The following ITGB3BP variants were observed in gnomAD, a reference collection of about 807,000 sequenced individuals.
The protein encoded by ITGB3BP is centromere protein R.
In ITGB3BP, 27 loss-of-function variants were observed where a neutral mutation model predicts 29.1. The observed-to-expected ratio is 0.93, with a 90% CI of 0.68 to 1.28. The LOEUF (loss-of-function observed/expected upper bound fraction) is 1.28. Ranked by LOEUF, ITGB3BP falls within the 50% of genes most tolerant of loss-of-function variation. The probability of loss-of-function intolerance (pLI) is 0.00; values close to 1 mark genes in which losing one functional copy is unlikely to be tolerated. For missense variants in ITGB3BP, 192 were observed against 200.2 expected, an observed-to-expected ratio of 0.96 and a Z score of 0.25; for synonymous variants, 61 against 61.4, an observed-to-expected ratio of 0.99 and a Z score of 0.03.
chr1:63,524,306 CTTAA>C (rs1383691139), upstream of ITGB3BP, among the ~76,000 whole-genome samples: 7 of 152,226 alleles, frequency 4.6e-5, no homozygotes, highest in African/African-American at 1.4e-4. Flanking sequence ...AACTCTGATG[CTTAA>C]TTATAGTATT....
intron 7 of ITGB3BP, among the ~76,000 whole-genome samples, chr1:63,451,212 CA>C (rs202112857): frequency 0.021 from 3,251 of 151,602 alleles, 123 homozygotes; most frequent in African/African-American, 0.074. Flanking sequence ...AACAAACAAA[CA>C]AAAAAACCCA....
At chr1:63,492,875 A>T (rs889492884) in intron 2 of ITGB3BP, among the ~76,000 whole-genome samples, 4 of 152,178 alleles carry the variant, frequency 2.6e-5, no homozygotes, top group Admixed American at 2.0e-4. Context: ...TTGGGAAGCC[A>T]AGGTGGGAGG....
At chr1:63,499,558 A>G (rs1339776271) in intron 2 of ITGB3BP, among the ~76,000 whole-genome samples, 1 of 152,184 alleles carries the variant, frequency 6.6e-6, no homozygotes, top group Non-Finnish European at 1.5e-5. Context: ...ATACCAGAAC[A>G]TTACAGACCC....
At chr1:63,509,996 C>T in intron 1 of ITGB3BP, 1 of 438,342 alleles carries the variant, frequency 2.3e-6, no homozygotes, top group Admixed American at 3.8e-5. Context: ...AGTTCGAGAC[C>T]AGCCTAACAT....
rs564128416 is a variant in ITGB3BP at position 63,490,079 on chromosome 1, T to C, written c.184+4A>G. 22 of 1,607,478 alleles carry C rather than the reference T, an allele frequency of 1.4e-5. No homozygotes were observed. In the East Asian group the frequency reaches 4.0e-4, roughly 29 times the overall value. On this transcript the variant is annotated splice_donor_region_variant and intron_variant, in intron 3 of 8. Transcript: ENST00000271002. ...CAATAAGTAGAAAAGAATGTTCAAC[T>C]AACCATTTGATAGTCCATTTCTGTG...
intron 1 of ITGB3BP, among the ~76,000 whole-genome samples, chr1:63,516,348 G>C (rs1430400090): frequency 2.1e-5 from 1 of 48,630 alleles, no homozygotes; most frequent in Non-Finnish European, 5.0e-5. Flanking sequence ...GAAGCGGAGC[G>C]GGGGAAGGTG....
At chr1:63,494,756 T>C (rs928297749) in intron 2 of ITGB3BP, among the ~76,000 whole-genome samples, 10 of 152,212 alleles carry the variant, frequency 6.6e-5, no homozygotes, top group Admixed American at 6.5e-4. Flanking sequence ...GATATTAAGA[T>C]ATTAATTTTA....
chr1:63,458,611 C>T (rs1467641229), intron 4 of ITGB3BP, among the ~76,000 whole-genome samples: 1 of 152,042 alleles, frequency 6.6e-6, no homozygotes, highest in African/African-American at 2.4e-5. Flanking sequence ...AAGAGTGAAA[C>T]CCTGTAAAAG....
intron 2 of ITGB3BP, among the ~76,000 whole-genome samples, chr1:63,502,939 G>T (rs1645975614): frequency 6.6e-6 from 1 of 152,150 alleles, no homozygotes; most frequent in Admixed American, 6.5e-5. Flanking sequence ...TTGGTTCCAA[G>T]TCTTTGCTAT....
At chr1:63,479,708 G>A (rs1333905830) in intron 3 of ITGB3BP, among the ~76,000 whole-genome samples, 1 of 152,056 alleles carries the variant, frequency 6.6e-6, no homozygotes, top group African/African-American at 2.4e-5. Context: ...GTGTCTTTCT[G>A]TGCCTGGCTT....
chr1:63,504,819 AT>A (rs1257853013), intron 2 of ITGB3BP, among the ~76,000 whole-genome samples: 1 of 152,088 alleles, frequency 6.6e-6, no homozygotes, highest in Non-Finnish European at 1.5e-5. Flanking sequence ...ACATTTATTG[AT>A]TTGCATATGT....
chr1:63,465,051 A>C (rs1367926567), intron 4 of ITGB3BP, among the ~76,000 whole-genome samples: 1 of 152,190 alleles, frequency 6.6e-6, no homozygotes, highest in Non-Finnish European at 1.5e-5. Flanking sequence ...TGGACTATAC[A>C]CTAGATAACA....
chr1:63,445,150 G>A (rs1644775242), intron 8 of ITGB3BP, among the ~76,000 whole-genome samples: 1 of 152,034 alleles, frequency 6.6e-6, no homozygotes, highest in Non-Finnish European at 1.5e-5. Context: ...GCCGGGCATG[G>A]TGGTGCTCAA....
chr1:63,505,112 T>G (rs1247491500), intron 2 of ITGB3BP, among the ~76,000 whole-genome samples: 8 of 152,152 alleles, frequency 5.3e-5, no homozygotes, highest in Admixed American at 3.9e-4. Flanking sequence ...GTACCTCTGG[T>G]AGAATTCGGC....
At chr1:63,483,197 TTAAG>T (rs1645470360) in intron 3 of ITGB3BP, among the ~76,000 whole-genome samples, 2 of 152,186 alleles carry the variant, frequency 1.3e-5, no homozygotes, top group African/African-American at 4.8e-5. Flanking sequence ...GATAACTGAT[TTAAG>T]TGTTATTCTT....
At chr1:63,480,015 G>C (rs1645410675) in intron 3 of ITGB3BP, among the ~76,000 whole-genome samples, 1 of 152,024 alleles carries the variant, frequency 6.6e-6, no homozygotes, top group African/African-American at 2.4e-5. Flanking sequence ...TTGAGGACCT[G>C]AATCTTTAAA....
At chr1:63,521,139 T>C (rs1413730451) in intron 1 of ITGB3BP, among the ~76,000 whole-genome samples, 1 of 152,092 alleles carries the variant, frequency 6.6e-6, no homozygotes, top group Non-Finnish European at 1.5e-5. Context: ...CATTTAGTCT[T>C]CCAAATACAT....
chr1:63,517,381 TA>T (rs1317973199), intron 1 of ITGB3BP, among the ~76,000 whole-genome samples: 1 of 150,636 alleles, frequency 6.6e-6, no homozygotes, highest in East Asian at 1.9e-4. Context: ...AGTATAATAA[TA>T]AAAAAATAAA....
At position 63,453,963 on chromosome 1, in the gene ITGB3BP, T is replaced by C. The variant is rs1232271045; in HGVS notation, c.439A>G (p.Asn147Asp). 1.3e-6 allele frequency: 2 copies of C among 1,569,112 alleles called. No homozygotes were observed. The highest frequency in any genetic ancestry group is 8.7e-7 in the Non-Finnish European group (1 of 1,145,454). The part of the protein sequence containing the change: ...QKTKELMTKV[N>D]KQKLFEKSTG... ...CTCTTTTCAAACAGTTTTTGTTTAT[T>C]CACTTTTGTCACTAAAAGAAGTAAA... Residue 147 changes from asparagine (N) to aspartate (D), a missense_variant, in exon 7 of 9, where the codon AAT becomes GAT. Physicochemically the swap from Asn to Asp is conservative, Grantham distance 23 (BLOSUM62 1). Transcript: ENST00000271002.
Sources: gnomAD v4.1 joint callset for allele counts (sites outside exome capture counted in the v4.1 genomes callset) on GRCh38, gnomAD v4.1.1 for gene constraint, MANE v1.5 for transcripts, NCBI Gene and HGNC (gene_info 2026-07-23, HGNC 2026-07-21) for gene names.